The following CAMK2D variants were observed in gnomAD, a reference collection of about 807,000 sequenced individuals.
CAMK2D encodes the protein calcium/calmodulin-dependent protein kinase type II subunit delta.
CAMK2D carries 37 observed loss-of-function variants against 84.0 expected under a neutral mutation model. The ratio of observed to expected loss-of-function variants is 0.44; its 90% CI spans 0.34 to 0.58. CAMK2D has a LOEUF of 0.58. CAMK2D is among the 20% of genes least tolerant of loss of function. CAMK2D has a pLI of 0.02. For missense variants in CAMK2D, 448 were observed against 652.5 expected, an observed-to-expected ratio of 0.69 and a Z score of 3.41; for synonymous variants, 202 against 212.5, an observed-to-expected ratio of 0.95 and a Z score of 0.43.
At chr4:113,497,523 T>A (rs936291087) in intron 16 of CAMK2D, among the ~76,000 whole-genome samples, 1 of 152,246 alleles carries the variant, frequency 6.6e-6, no homozygotes, top group Non-Finnish European at 1.5e-5. Context: ...TCTTTTATCT[T>A]TCTTTGAGAA....
rs532922313 is a variant in CAMK2D at position 113,761,478 on chromosome 4, G to C, written c.-410C>G. The C allele has an allele frequency of 5.6e-4, 614 of 1,093,120 alleles. 2 individuals carry two copies. The African/African-American group carries it at 9.2e-3, about 16-fold the overall frequency. 67.7% of individuals were successfully genotyped at this position (1,093,120 alleles called of 1,614,324 possible). A position where few individuals can be genotyped will look rare whatever the true frequency, so the allele number is the denominator to read the frequency against. On this transcript the variant is annotated 5_prime_UTR_variant, in exon 1 of 21. Coordinates refer to ENST00000511664, the MANE Select transcript of CAMK2D (RefSeq NM_001321571.2). ...GATCCGCACTGGAGCAGGAGGAGTA[G>C]AAGCAGAGGGGAGGGAGTCCGAGGG...
intron 18 of CAMK2D, 101 bp downstream of exon 18, chr4:113,460,046 G>T: frequency 1.4e-6 from 1 of 739,356 alleles, no homozygotes. Flanking sequence ...CTGGATGAAG[G>T]TAAAAACTCT....
intron 2 of CAMK2D, among the ~76,000 whole-genome samples, chr4:113,735,149 T>C (rs1393301620): frequency 6.6e-6 from 1 of 151,660 alleles, no homozygotes; most frequent in African/African-American, 2.4e-5. Context: ...TATAAAATTC[T>C]GCCTTTTGCA....
intron 6 of CAMK2D, among the ~76,000 whole-genome samples, chr4:113,544,826 T>C (rs1439303442): frequency 1.3e-5 from 2 of 152,132 alleles, no homozygotes; most frequent in African/African-American, 4.8e-5. Context: ...AAGGCTGTGG[T>C]CCATGTATCC....
chr4:113,751,851 A>G (rs1409092458), intron 2 of CAMK2D, among the ~76,000 whole-genome samples: 1 of 152,210 alleles, frequency 6.6e-6, no homozygotes, highest in Non-Finnish European at 1.5e-5. Flanking sequence ...ACAAATTCCA[A>G]ATAAATTAAG....
chr4:113,646,532 T>G (rs1294522779), intron 3 of CAMK2D, among the ~76,000 whole-genome samples: 1 of 152,152 alleles, frequency 6.6e-6, no homozygotes, highest in Non-Finnish European at 1.5e-5. Flanking sequence ...CCACTTTGGA[T>G]GAGCAAAGGC....
intron 3 of CAMK2D, among the ~76,000 whole-genome samples, chr4:113,611,527 T>G (rs2099000342): frequency 6.6e-6 from 1 of 152,150 alleles, no homozygotes; most frequent in South Asian, 2.1e-4. Context: ...AAGCCTTAGG[T>G]GCAGGTGGGA....
At chr4:113,612,558 A>G (rs1029922384) in intron 3 of CAMK2D, among the ~76,000 whole-genome samples, 5 of 152,192 alleles carry the variant, frequency 3.3e-5, no homozygotes, top group African/African-American at 1.2e-4. Flanking sequence ...TGTTATTGCC[A>G]TAAGCTGCAC....
At chr4:113,669,161 C>T (rs766989465) in intron 2 of CAMK2D, among the ~76,000 whole-genome samples, 13 of 152,120 alleles carry the variant, frequency 8.5e-5, no homozygotes, top group Non-Finnish European at 1.3e-4. Context: ...TTTTATAGGG[C>T]TCTTGTTCAG....
intron 7 of CAMK2D, among the ~76,000 whole-genome samples, chr4:113,534,507 A>G (rs184988294): frequency 1.3e-5 from 2 of 152,310 alleles, no homozygotes; most frequent in East Asian, 3.9e-4. Flanking sequence ...ATGCTGATGA[A>G]GTGGAAATTT....
intron 4 of CAMK2D, among the ~76,000 whole-genome samples, chr4:113,597,095 G>A (rs969880759): frequency 6.6e-6 from 1 of 152,162 alleles, no homozygotes; most frequent in Non-Finnish European, 1.5e-5. Context: ...TGGGATTACA[G>A]GCATGAGCCA....
chr4:113,732,782 T>A (rs923168552), intron 2 of CAMK2D, among the ~76,000 whole-genome samples: 1 of 152,138 alleles, frequency 6.6e-6, no homozygotes, highest in Non-Finnish European at 1.5e-5. Flanking sequence ...TCTGACTCCC[T>A]GAAAAGTTCA....
intron 6 of CAMK2D, among the ~76,000 whole-genome samples, chr4:113,544,010 C>G (rs2098550168): frequency 6.6e-6 from 1 of 152,028 alleles, no homozygotes; most frequent in African/African-American, 2.4e-5. Context: ...CCGGGATGGT[C>G]TCGATCTCCT....
chr4:113,722,896 G>A (rs2099535102), intron 2 of CAMK2D, among the ~76,000 whole-genome samples: 1 of 152,158 alleles, frequency 6.6e-6, no homozygotes, highest in African/African-American at 2.4e-5. Flanking sequence ...TGAAGGGGAA[G>A]TGAAGTAGGA....
intron 4 of CAMK2D, among the ~76,000 whole-genome samples, chr4:113,595,271 CAGG>C (rs2098919254): frequency 6.6e-6 from 1 of 152,054 alleles, no homozygotes; most frequent in African/African-American, 2.4e-5. Flanking sequence ...ACAAAGTTTT[CAGG>C]AGAAGAAAAA....
intron 4 of CAMK2D, among the ~76,000 whole-genome samples, chr4:113,566,298 T>C (rs1244555705): frequency 1.3e-5 from 2 of 152,044 alleles, no homozygotes; most frequent in Admixed American, 1.3e-4. Flanking sequence ...ATGTGTAGAG[T>C]TCAGTCATTT....
At chr4:113,717,903 A>C (rs1562020054) in intron 2 of CAMK2D, among the ~76,000 whole-genome samples, 1 of 152,080 alleles carries the variant, frequency 6.6e-6, no homozygotes, top group Non-Finnish European at 1.5e-5. Context: ...TAACCATTAG[A>C]TATATCATGC....
chr4:113,463,755 A>G (rs1257839541), intron 17 of CAMK2D, among the ~76,000 whole-genome samples: 2 of 152,238 alleles, frequency 1.3e-5, no homozygotes, highest in East Asian at 3.8e-4. Flanking sequence ...CAGTAAAAAC[A>G]TCATAAATAT....
intron 2 of CAMK2D, among the ~76,000 whole-genome samples, chr4:113,757,914 A>T (rs2099632228): frequency 6.6e-6 from 1 of 152,102 alleles, no homozygotes; most frequent in Non-Finnish European, 1.5e-5. Context: ...AGTAAAAGTG[A>T]AGCACTACAC....
Sources: gnomAD v4.1 joint callset for allele counts (sites outside exome capture counted in the v4.1 genomes callset) on GRCh38, gnomAD v4.1.1 for gene constraint, MANE v1.5 for transcripts, NCBI Gene and HGNC (gene_info 2026-07-23, HGNC 2026-07-21) for gene names.